Variants in USO1 observed in about 807,000 individuals in gnomAD.
The protein encoded by USO1 is USO1 vesicle transport factor.
USO1 carries 57 observed loss-of-function variants against 124.5 expected under a neutral mutation model. The ratio of observed to expected loss-of-function variants is 0.46; its 90% CI spans 0.37 to 0.57. USO1 has a LOEUF of 0.57. Ranked by LOEUF, USO1 falls within the 20% of genes least tolerant of loss-of-function variation. The pLI is 0.00. For missense variants in USO1, 900 were observed against 1,040.6 expected (o/e 0.86, Z 1.86); for synonymous variants, 369 against 362.8 (o/e 1.02, Z -0.19).
rs1289631160 is a variant in USO1, at chr4:75,809,037, A to C, written c.2461A>C (p.Lys821Gln). The C allele has an allele frequency of 6.3e-7, 1 of 1,598,350 alleles. No individual in the cohort carries two copies. Among genetic ancestry groups the C allele is most frequent in the Admixed American group, 1.7e-5 (1 of 57,454 alleles). Residue 821 changes from lysine (K) to glutamine (Q), a missense_variant, in exon 21 of 24, where the codon AAA (lysine) becomes CAA (glutamine). Lys to Gln is a moderately conservative substitution (Grantham distance 53). Transcript: ENST00000514213. ...LQTEKQELLQ[K>Q]TEAFAKSVEV... ...GACAGAAAAGCAGGAACTGTTACAG[A>C]AAACAGAAGCGTTTGTAAGTATTTT...
chr4:75,750,984 T>C (rs1429488704), intron 1 of USO1, among the ~76,000 whole-genome samples: 2 of 152,130 alleles, frequency 1.3e-5, no homozygotes, highest in African/African-American at 4.8e-5. Context: ...TTGCTTTTTT[T>C]CATCTCATTA....
intron 17 of USO1, among the ~76,000 whole-genome samples, chr4:75,802,794 G>A (rs1171270705): frequency 7.9e-6 from 1 of 126,776 alleles, no homozygotes; most frequent in Non-Finnish European, 1.6e-5. Context: ...CCAGGCTGGA[G>A]TGCAGTGGCT....
intron 8 of USO1, among the ~76,000 whole-genome samples, chr4:75,779,935 C>T (rs1722171947): frequency 6.6e-6 from 1 of 152,198 alleles, no homozygotes; most frequent in Non-Finnish European, 1.5e-5. Context: ...GACAAGCTGA[C>T]TCTCTTGTTA....
intron 1 of USO1, among the ~76,000 whole-genome samples, chr4:75,751,297 C>T (rs939144838): frequency 4.0e-5 from 6 of 150,570 alleles, no homozygotes; most frequent in African/African-American, 1.2e-4. Flanking sequence ...CTGCAACCTC[C>T]GCCTGCCAGG....
chr4:75,793,897 C>A lies in USO1; in HGVS notation c.1448C>A (p.Ser483Ter). 1 of 1,613,862 alleles carries A rather than the reference C, an allele frequency of 6.2e-7. No individual in the cohort carries two copies. The highest frequency in any genetic ancestry group is 8.5e-7 in the Non-Finnish European group (1 of 1,179,832). The part of the protein sequence containing the change: ...SLLQQCTNIL[S>*]QGSKIQTRVG... ...CTTCAACAGTGCACCAATATTCTTT[C>A]ACAGGTAAAGTTTTGCATAAGGGAA... is the stretch of plus-strand genomic sequence containing the variant. Residue 483 changes from serine (S) to a stop codon, truncating the protein, a stop_gained, in exon 13 of 24, where the codon TCA (serine) becomes TAA (stop). Transcript: ENST00000514213. LOFTEE classifies it high-confidence loss of function.
intron 4 of USO1, among the ~76,000 whole-genome samples, chr4:75,769,307 G>A (rs1289375692): frequency 6.6e-6 from 1 of 152,164 alleles, no homozygotes; most frequent in African/African-American, 2.4e-5. Flanking sequence ...AGATGATTAA[G>A]AGAAATATTT....
At chr4:75,729,005 C>A (rs1057107097) in intron 1 of USO1, among the ~76,000 whole-genome samples, 1 of 152,072 alleles carries the variant, frequency 6.6e-6, no homozygotes, top group Non-Finnish European at 1.5e-5. Flanking sequence ...ACCGTGTTAA[C>A]CAGGATGGTC....
intron 1 of USO1, among the ~76,000 whole-genome samples, chr4:75,744,019 G>GC (rs1260512723): frequency 6.6e-6 from 1 of 151,946 alleles, no homozygotes; most frequent in Non-Finnish European, 1.5e-5. Context: ...CTCATGATCC[G>GC]CCCGCCATGG....
rs770420514 is a variant in USO1, at chr4:75,805,250, C to G, written c.2236C>G (p.Gln746Glu). 8.7e-6 allele frequency: 14 copies of G among 1,611,938 alleles called. No individual in the cohort carries two copies. Among genetic ancestry groups the G allele is most frequent in the Non-Finnish European group, 1.2e-5 (14 of 1,178,972 alleles). ...AGAGATAGAAGAATTAAAACGTAATCAGGAACTTTTACAAAGCCAGCTGAC... is the reference window on the plus strand; with the variant it reads ...AGAGATAGAAGAATTAAAACGTAATGAGGAACTTTTACAAAGCCAGCTGAC... ...REEIEELKRN[Q>E]ELLQSQLTEK... is the part of the protein sequence containing the mutation. The change falls in exon 19 of 24, where the codon CAG becomes GAG. Residue 746 changes from glutamine to glutamate, a missense_variant. Gln to Glu is a conservative substitution (Grantham distance 29). Transcript: ENST00000514213.
At chr4:75,768,975 C>T (rs1721846121) in intron 4 of USO1, among the ~76,000 whole-genome samples, 2 of 152,192 alleles carry the variant, frequency 1.3e-5, no homozygotes, top group South Asian at 4.1e-4. Context: ...TGTATACTTC[C>T]AGCTTGCTTC....
rs1023283180 is a variant in USO1 at position 75,724,664 on chromosome 4, C to T, written c.-156C>T. ...GCCGCTGCTGGCGGCTGTTTCCGGG[C>T]TTAGAGGGCTGGAGTGGCCGCCGAG... On this transcript the variant is annotated 5_prime_UTR_variant, in exon 1 of 24. Coordinates refer to ENST00000514213, the MANE Select transcript of USO1 (RefSeq NM_003715.4). 1.5e-6 allele frequency: 1 copy of T among 684,526 alleles called. No individual in the cohort carries two copies. Among genetic ancestry groups the T allele is most frequent in the Non-Finnish European group, 2.4e-6 (1 of 409,314 alleles). The allele number at this position is 684,526 out of a possible 1,614,324, so 42.4% of individuals were successfully genotyped here.
At chr4:75,788,159 A>ATTTT (rs1288864858) in intron 10 of USO1, among the ~76,000 whole-genome samples, 6 of 94,290 alleles carry the variant, frequency 6.4e-5, no homozygotes, top group African/African-American at 1.8e-4. Context: ...ATCTTTATTT[A>ATTTT]TTTATTTATT....
chr4:75,812,200 A>G lies in USO1; in HGVS notation c.2624A>G (p.Lys875Arg), dbSNP rs761170611. 1 of 1,609,480 alleles carries G rather than the reference A, an allele frequency of 6.2e-7. No individual in the cohort carries two copies. The highest frequency in any genetic ancestry group is 2.2e-5 in the East Asian group (1 of 44,756). ...CTGTCTGAGGAAAGAACTGCCATTA[A>G]AGAGCAGCTGGATTCATCTAATAGT... is the stretch of plus-strand genomic sequence containing the variant. ...KALSEERTAI[K>R]EQLDSSNSTI... The change falls in exon 23 of 24, where the codon AAA becomes AGA. Residue 875 changes from lysine (K) to arginine (R), a missense_variant. Coordinates refer to ENST00000514213, the MANE Select transcript of USO1 (RefSeq NM_003715.4).
At position 75,789,510 on chromosome 4, in the gene USO1, A is replaced by G. The variant is rs563098207; in HGVS notation, c.997-640A>G. Among the ~76,000 whole-genome samples, 8 of 152,238 alleles carry G rather than the reference A, an allele frequency of 5.3e-5. No homozygotes were observed. In the East Asian group the frequency reaches 1.5e-3, roughly 29 times the overall value. ...GGCTGGTCTCAAACTCCTGACCCCAAGTGTTCCACCCACCTGGGCCTCCCA... is the reference window on the plus strand; with the variant it reads ...GGCTGGTCTCAAACTCCTGACCCCAGGTGTTCCACCCACCTGGGCCTCCCA... On this transcript the variant is annotated intron_variant, in intron 10 of 23. Transcript: ENST00000514213.
chr4:75,737,266 T>A (rs1720819132), intron 1 of USO1, among the ~76,000 whole-genome samples: 1 of 152,008 alleles, frequency 6.6e-6, no homozygotes, highest in South Asian at 2.1e-4. Context: ...TTGTGAAGAT[T>A]AAATGAATTT....
intron 4 of USO1, among the ~76,000 whole-genome samples, chr4:75,764,860 A>T (rs1721722291): frequency 6.6e-6 from 1 of 152,148 alleles, no homozygotes. Context: ...AAACCTGAAG[A>T]TTGGCAATAC....
intron 3 of USO1, among the ~76,000 whole-genome samples, chr4:75,756,664 G>A (rs1230041218): frequency 6.6e-6 from 1 of 151,420 alleles, no homozygotes; most frequent in African/African-American, 2.4e-5. Flanking sequence ...GCACCACCAC[G>A]CCCGGCTAAT....
At chr4:75,750,571 C>G (rs1361919611) in intron 1 of USO1, among the ~76,000 whole-genome samples, 3 of 152,050 alleles carry the variant, frequency 2.0e-5, no homozygotes, top group Admixed American at 2.0e-4. Context: ...GCAACCTCTG[C>G]CTCCCGGGTT....
At chr4:75,778,452 C>G (rs1281304454) in intron 8 of USO1, among the ~76,000 whole-genome samples, 1 of 152,136 alleles carries the variant, frequency 6.6e-6, no homozygotes, top group African/African-American at 2.4e-5. Context: ...ATTGGTCTTG[C>G]TGTTTCAGGG....
Sources: gnomAD v4.1 joint callset for allele counts (sites outside exome capture counted in the v4.1 genomes callset) on GRCh38, gnomAD v4.1.1 for gene constraint, MANE v1.5 for transcripts, NCBI Gene and HGNC (gene_info 2026-07-23, HGNC 2026-07-21) for gene names.